Variants in FAM174B observed in about 807,000 individuals in gnomAD.
FAM174B encodes membrane protein FAM174B.
Under a neutral mutation model 10.9 loss-of-function variants are expected in FAM174B, and 12 were observed. The ratio of observed to expected loss-of-function variants is 1.10; its 90% CI spans 0.71 to 1.79. The LOEUF (loss-of-function observed/expected upper bound fraction) is 1.79. Ranked by LOEUF, FAM174B falls within the 40% of genes most tolerant of loss-of-function variation. FAM174B has a pLI of 0.00. For missense variants in FAM174B, 266 were observed against 233.3 expected, an observed-to-expected ratio of 1.14 and a Z score of -0.91; for synonymous variants, 132 against 115.8, an observed-to-expected ratio of 1.14 and a Z score of -0.90.
intron 2 of FAM174B, among the ~76,000 whole-genome samples, chr15:92,626,198 G>A (rs576920677): frequency 1.5e-5 from 2 of 132,928 alleles, no homozygotes; most frequent in African/African-American, 5.8e-5. Context: ...TCCTGGGTTC[G>A]CGCCATTCTC....
chr15:92,635,019 T>A (rs1253291145), intron 1 of FAM174B, among the ~76,000 whole-genome samples: 2 of 152,136 alleles, frequency 1.3e-5, no homozygotes, highest in East Asian at 3.9e-4. Flanking sequence ...TCAGCCCTCC[T>A]GGGTCTCCAG....
chr15:92,645,295 G>A (rs1007030861), intron 1 of FAM174B, among the ~76,000 whole-genome samples: 4 of 152,208 alleles, frequency 2.6e-5, no homozygotes, highest in African/African-American at 9.7e-5. Context: ...AGCACTGTTG[G>A]TTGACCCCAG....
At chr15:92,619,693 C>G in intron 2 of FAM174B, 1 of 586,960 alleles carries the variant, frequency 1.7e-6, no homozygotes, top group Non-Finnish European at 3.0e-6. Flanking sequence ...CACACAGACT[C>G]CCTAGAACAC....
At chr15:92,625,746 T>C (rs1350484145) in intron 2 of FAM174B, among the ~76,000 whole-genome samples, 2 of 152,246 alleles carry the variant, frequency 1.3e-5, no homozygotes, top group Non-Finnish European at 1.5e-5. Flanking sequence ...AGTAACTGTG[T>C]CTTTCCTGTT....
At chr15:92,636,571 C>T (rs946956132) in intron 1 of FAM174B, among the ~76,000 whole-genome samples, 18 of 152,180 alleles carry the variant, frequency 1.2e-4, no homozygotes, top group Non-Finnish European at 2.4e-4. Context: ...CTCCTTCCCA[C>T]GTGGGTGAGT....
chr15:92,635,542 G>A (rs1253466033), intron 1 of FAM174B, among the ~76,000 whole-genome samples: 1 of 151,734 alleles, frequency 6.6e-6, no homozygotes, highest in East Asian at 1.9e-4. Context: ...ACAGGGAAGT[G>A]GGATTGAGGG....
intron 1 of FAM174B, among the ~76,000 whole-genome samples, chr15:92,652,788 C>T (rs1312871103): frequency 1.3e-5 from 2 of 152,026 alleles, no homozygotes; most frequent in Non-Finnish European, 2.9e-5. Flanking sequence ...ACTCGGTGCC[C>T]GCAGGCTAAG....
chr15:92,617,476 G>A lies in FAM174B; in HGVS notation c.*1980C>T, dbSNP rs2050686322. The A allele has an allele frequency of 2.0e-6, 1 of 499,952 alleles. No individual in the cohort carries two copies. Among genetic ancestry groups the A allele is most frequent in the African/African-American group, 2.0e-5 (1 of 49,540 alleles). The allele number at this position is 499,952 out of a possible 1,614,324, so 31.0% of individuals were successfully genotyped here. A position where few individuals can be genotyped will look rare whatever the true frequency, so the allele number is the denominator to read the frequency against. On this transcript the variant is annotated 3_prime_UTR_variant, in exon 3 of 3. Coordinates refer to ENST00000327355, the MANE Select transcript of FAM174B (RefSeq NM_207446.3). ...GTGTGTAAAGGGTTTTTATTGGAGA[G>A]CCTGTGGCGCTGAAGTGCCACCAAG...
At chr15:92,630,420 C>A in intron 1 of FAM174B, 75 bp from the exon 2 acceptor site, 2 of 1,410,570 alleles carry the variant, frequency 1.4e-6, no homozygotes, top group South Asian at 2.5e-5. Flanking sequence ...CCCCAGAGGA[C>A]CCGACAGCAA....
chr15:92,619,595 G>T (rs1281824391), intron 2 of FAM174B, 136 bp from the exon 3 acceptor site: 12 of 1,005,048 alleles, frequency 1.2e-5, no homozygotes, highest in Non-Finnish European at 1.8e-5. Flanking sequence ...GGACCTTTGA[G>T]CGTGCTGTCT....
At position 92,619,025 on chromosome 15, in the gene FAM174B, A is replaced by G; in HGVS notation, c.*431T>C. The G allele has an allele frequency of 2.5e-6, 1 of 407,620 alleles. No homozygotes were observed. The highest frequency in any genetic ancestry group is 4.3e-6 in the Non-Finnish European group (1 of 232,496). The allele number at this position is 407,620 out of a possible 1,614,324, so 25.3% of individuals were successfully genotyped here. A position where few individuals can be genotyped will look rare whatever the true frequency, so the allele number is the denominator to read the frequency against. ...GGGGTCCAATGTGTAGATCCAGTAG[A>G]GAAGAATGTCGGAAATTCTAAATAC... On this transcript the variant is annotated 3_prime_UTR_variant, in exon 3 of 3. Coordinates refer to ENST00000327355, the MANE Select transcript of FAM174B (RefSeq NM_207446.3).
At position 92,634,479 on chromosome 15, in the gene FAM174B, C is replaced by T. The variant is rs150468391; in HGVS notation, c.345-4134G>A. ...TCCTTCTCTATAATCTTATCATTCA[C>T]GTATATAGAGTCTTACAATAAGAAA... On this transcript the variant is annotated intron_variant, in intron 1 of 2. Transcript: ENST00000327355. The T allele has an allele frequency of 6.6e-5, 10 of 152,266 alleles. No individual in the cohort carries two copies. In the East Asian group the frequency reaches 1.4e-3, roughly 21 times the overall value. The allele number at this position is 152,266 out of a possible 1,614,324, so 9.4% of individuals were successfully genotyped here.
chr15:92,636,582 G>GA (rs2141958015), intron 1 of FAM174B, among the ~76,000 whole-genome samples: 1 of 152,316 alleles, frequency 6.6e-6, no homozygotes, highest in South Asian at 2.1e-4. Context: ...GTGGGTGAGT[G>GA]AAAGTGCCGC....
intron 2 of FAM174B, chr15:92,619,670 TCCCC>T: frequency 1.7e-6 from 1 of 601,982 alleles, no homozygotes; most frequent in Non-Finnish European, 3.0e-6. Context: ...TAAGGATCCC[TCCCC>T]CAGCTCCCCA....
At chr15:92,623,645 C>T (rs1028314584) in intron 2 of FAM174B, among the ~76,000 whole-genome samples, 2 of 152,204 alleles carry the variant, frequency 1.3e-5, no homozygotes, top group African/African-American at 4.8e-5. Flanking sequence ...CTGTCAGTAG[C>T]GTCTGGCACC....
intron 2 of FAM174B, 95 bp downstream of exon 2, chr15:92,630,119 A>G (rs1386768742): frequency 7.4e-7 from 1 of 1,348,298 alleles, no homozygotes; most frequent in Non-Finnish European, 1.0e-6. Flanking sequence ...ACACTTCACT[A>G]AAAAACAAGA....
At chr15:92,644,803 G>GC (rs1282954195) in intron 1 of FAM174B, among the ~76,000 whole-genome samples, 2 of 152,226 alleles carry the variant, frequency 1.3e-5, no homozygotes, top group Non-Finnish European at 1.5e-5. Context: ...GCGGCACCCT[G>GC]CCCAGCCTAG....
chr15:92,632,572 C>A (rs2050826351), intron 1 of FAM174B, among the ~76,000 whole-genome samples: 1 of 152,136 alleles, frequency 6.6e-6, no homozygotes, highest in Admixed American at 6.5e-5. Context: ...TGCAGTGGTG[C>A]AATCATAGCT....
intron 1 of FAM174B, among the ~76,000 whole-genome samples, chr15:92,638,391 CGT>C (rs1026756106): frequency 6.6e-6 from 1 of 152,158 alleles, no homozygotes; most frequent in East Asian, 1.9e-4. Flanking sequence ...AAACAGGTTT[CGT>C]GTGAGTGCTC....
Sources: allele counts gnomAD v4.1 joint callset (sites outside exome capture counted in the v4.1 genomes callset), GRCh38; gene constraint gnomAD v4.1.1; transcripts MANE v1.5; gene names NCBI Gene and HGNC (gene_info 2026-07-23, HGNC 2026-07-21).